The following PIP5K1B variants were observed in gnomAD, a reference collection of about 807,000 sequenced individuals.
PIP5K1B encodes phosphatidylinositol 4-phosphate 5-kinase type-1 beta.
In PIP5K1B, 42 loss-of-function variants were observed where a neutral mutation model predicts 67.0. That is an observed-to-expected ratio of 0.63 (90% CI 0.49 to 0.81). The LOEUF is 0.81. PIP5K1B is among the 30% of genes least tolerant of loss of function. The pLI, the probability that PIP5K1B is intolerant of heterozygous loss-of-function variation, is 0.00. For synonymous variants in PIP5K1B, 214 were observed against 231.4 expected, an observed-to-expected ratio of 0.92 and a Z score of 0.68; for missense variants, 459 against 646.3, an observed-to-expected ratio of 0.71 and a Z score of 3.14.
chr9:68,887,893 G>C (rs1824560385), intron 6 of PIP5K1B, among the ~76,000 whole-genome samples: 1 of 151,966 alleles, frequency 6.6e-6, no homozygotes, highest in Non-Finnish European at 1.5e-5. Context: ...AGATGATCTA[G>C]GGTCACCATA....
At chr9:68,769,444 CCCTT>C (rs1400032054) in intron 2 of PIP5K1B, among the ~76,000 whole-genome samples, 5 of 152,116 alleles carry the variant, frequency 3.3e-5, no homozygotes, top group African/African-American at 9.6e-5. Context: ...ATTGCATTTT[CCCTT>C]CCTTTTTGCT....
At chr9:68,980,232 G>A (rs190218527) in intron 14 of PIP5K1B, among the ~76,000 whole-genome samples, 6 of 152,306 alleles carry the variant, frequency 3.9e-5, no homozygotes, top group Admixed American at 3.9e-4. Flanking sequence ...TCCCAGTGGG[G>A]CACAAGGTGT....
intron 11 of PIP5K1B, among the ~76,000 whole-genome samples, chr9:68,922,521 GA>G (rs1826458161): frequency 6.6e-6 from 1 of 150,830 alleles, no homozygotes; most frequent in Admixed American, 6.6e-5. Context: ...AAGCATTATA[GA>G]AGCAAATTTA....
intron 3 of PIP5K1B, among the ~76,000 whole-genome samples, chr9:68,820,336 G>A (rs1296447390): frequency 2.0e-5 from 3 of 152,160 alleles, no homozygotes; most frequent in Non-Finnish European, 4.4e-5. Context: ...AGCTGATACA[G>A]CATGGAAAAC....
chr9:68,802,778 G>A (rs529111113), intron 2 of PIP5K1B, among the ~76,000 whole-genome samples: 2 of 152,260 alleles, frequency 1.3e-5, no homozygotes, highest in South Asian at 4.1e-4. Flanking sequence ...ATCCCATGTG[G>A]CTGCAGTTGT....
chr9:68,842,235 G>A (rs1270698531), intron 4 of PIP5K1B, among the ~76,000 whole-genome samples: 3 of 152,216 alleles, frequency 2.0e-5, no homozygotes, highest in Non-Finnish European at 4.4e-5. Flanking sequence ...ACGTGCACAT[G>A]TGTCCATGGA....
intron 15 of PIP5K1B, among the ~76,000 whole-genome samples, chr9:68,999,681 G>A (rs1417452895): frequency 6.6e-6 from 1 of 152,180 alleles, no homozygotes; most frequent in Non-Finnish European, 1.5e-5. Flanking sequence ...GGAACCGTGT[G>A]ACTCCCCTGG....
chr9:68,722,996 A>G (rs1416585099), intron 1 of PIP5K1B, among the ~76,000 whole-genome samples: 1 of 151,884 alleles, frequency 6.6e-6, no homozygotes. Context: ...TTTATTCTCT[A>G]CCTCCATGAA....
intron 6 of PIP5K1B, among the ~76,000 whole-genome samples, chr9:68,886,638 G>A (rs1378833472): frequency 6.6e-6 from 1 of 152,194 alleles, no homozygotes. Context: ...GGAAGCAATT[G>A]ATCTTTTATC....
intron 4 of PIP5K1B, among the ~76,000 whole-genome samples, chr9:68,830,861 G>A (rs118092941): frequency 0.011 from 1,607 of 152,260 alleles, 16 homozygotes; most frequent in Middle Eastern, 0.017. Flanking sequence ...GTGTTCACTC[G>A]CTTCCCTGCA....
chr9:68,987,630 T>G (rs899784513), intron 14 of PIP5K1B, among the ~76,000 whole-genome samples: 9 of 152,182 alleles, frequency 5.9e-5, no homozygotes, highest in African/African-American at 2.2e-4. Context: ...TTAGTCCATT[T>G]TCACACTGCT....
chr9:68,944,626 G>C (rs186486184), intron 14 of PIP5K1B, among the ~76,000 whole-genome samples: 23 of 152,286 alleles, frequency 1.5e-4, no homozygotes, highest in Admixed American at 7.8e-4. Flanking sequence ...TACACGTAGA[G>C]GGAAAATTGG....
chr9:68,943,498 C>G (rs1175014834), intron 14 of PIP5K1B, among the ~76,000 whole-genome samples: 1 of 152,016 alleles, frequency 6.6e-6, no homozygotes, highest in Non-Finnish European at 1.5e-5. Context: ...ACCAACAAAC[C>G]AAAACAAAAG....
chr9:68,869,531 G>A (rs893833509), intron 5 of PIP5K1B, among the ~76,000 whole-genome samples: 2 of 152,130 alleles, frequency 1.3e-5, no homozygotes, highest in African/African-American at 2.4e-5. Context: ...CTAACTGCCC[G>A]TTTTTGTAAA....
chr9:68,769,196 A>G (rs781672611), intron 2 of PIP5K1B, among the ~76,000 whole-genome samples: 1 of 152,324 alleles, frequency 6.6e-6, no homozygotes, highest in East Asian at 1.9e-4. Context: ...TCCTCAATGC[A>G]TTCTTTCTTT....
Position 68,983,926 on chromosome 9 carries a change from C to T in PIP5K1B, c.1503-7214C>T, listed in dbSNP as rs190416163. On this transcript the variant is annotated intron_variant, in intron 14 of 15. Transcript: ENST00000265382. ...AAAAGAAACACCAGGCATGGTGGCA[C>T]ATGCCTTTAGTCCCAGCTACTTGGG... 8.6e-4 allele frequency among the ~76,000 whole-genome samples: 131 copies of T among 152,314 alleles called. 1 individual carries two copies. Among genetic ancestry groups the T allele is most frequent in the African/African-American group, 3.0e-3 (126 of 41,562 alleles).
intron 1 of PIP5K1B, among the ~76,000 whole-genome samples, chr9:68,711,518 G>A (rs1021766679): frequency 3.3e-5 from 5 of 152,304 alleles, no homozygotes; most frequent in African/African-American, 1.2e-4. Context: ...GATTTAATGA[G>A]TGTTTACTGA....
intron 2 of PIP5K1B, among the ~76,000 whole-genome samples, chr9:68,787,205 A>C (rs1416971780): frequency 6.6e-6 from 1 of 152,186 alleles, no homozygotes; most frequent in African/African-American, 2.4e-5. Flanking sequence ...GGAAGGAAGC[A>C]TTTTAGGCAG....
intron 4 of PIP5K1B, among the ~76,000 whole-genome samples, chr9:68,827,246 G>A (rs1834034994): frequency 6.6e-6 from 1 of 152,156 alleles, no homozygotes; most frequent in Non-Finnish European, 1.5e-5. Context: ...GTATGGGCTG[G>A]CTCTAAATGA....
Sources: allele counts gnomAD v4.1 joint callset (sites outside exome capture counted in the v4.1 genomes callset), GRCh38; gene constraint gnomAD v4.1.1; transcripts MANE v1.5; gene names NCBI Gene and HGNC (gene_info 2026-07-23, HGNC 2026-07-21).